FXYD6: variants seen among roughly 807,000 people sequenced by gnomAD.
FXYD6 encodes the protein FXYD domain containing ion transport regulator 6.
Under a neutral mutation model 16.7 loss-of-function variants are expected in FXYD6, and 7 were observed. The observed-to-expected ratio is 0.42, with a 90% confidence interval of 0.24 to 0.79. FXYD6 has a LOEUF of 0.79. FXYD6 is among the 30% of genes least tolerant of loss of function. The pLI, the probability that FXYD6 is intolerant of heterozygous loss-of-function variation, is 0.28. For synonymous variants in FXYD6, 49 were observed against 43.0 expected (o/e 1.14, Z -0.54); for missense variants, 111 against 116.2 (o/e 0.95, Z 0.21).
chr11:117,858,687 CTTTCTT>C (rs2056811520), intron 1 of FXYD6, among the ~76,000 whole-genome samples: 1 of 90,350 alleles, frequency 1.1e-5, no homozygotes, highest in African/African-American at 4.7e-5. Flanking sequence ...TTCTTTCTTT[CTTTCTT>C]TCTTTCTTTC....
rs113953930 is a variant in FXYD6 at position 117,841,607 on chromosome 11, T to C, written c.172+184A>G. On this transcript the variant is annotated intron_variant, in intron 4 of 7. Coordinates refer to ENST00000526014, the MANE Select transcript of FXYD6 (RefSeq NM_022003.4). ...TCATATGACATTTTCTTTGTTCCCG[T>C]GTCACTGTTTTACTGAGCACTTACT... The C allele has an allele frequency of 1.0e-3, 647 of 645,806 alleles. 11 individuals are homozygous for C. The African/African-American group carries it at 0.011, about 11-fold the overall frequency. 40.0% of individuals were successfully genotyped at this position (645,806 alleles called of 1,614,324 possible).
chr11:117,866,690 T>A (rs1485948048), intron 1 of FXYD6, among the ~76,000 whole-genome samples: 1 of 152,182 alleles, frequency 6.6e-6, no homozygotes, highest in Non-Finnish European at 1.5e-5. Context: ...TCAGCCTCTG[T>A]CCATCTCACA....
chr11:117,865,929 A>AC (rs1650121661), intron 1 of FXYD6, among the ~76,000 whole-genome samples: 1 of 151,150 alleles, frequency 6.6e-6, no homozygotes, highest in Admixed American at 6.6e-5. Context: ...CTCAAAAAAA[A>AC]CAAAAAAGAG....
At chr11:117,849,954 C>G (rs1163322143) in intron 1 of FXYD6, among the ~76,000 whole-genome samples, 1 of 152,138 alleles carries the variant, frequency 6.6e-6, no homozygotes, top group Non-Finnish European at 1.5e-5. Flanking sequence ...CGAAGGGTAG[C>G]CTTTGACATC....
intron 1 of FXYD6, among the ~76,000 whole-genome samples, chr11:117,862,004 C>G (rs151152607): frequency 8.3e-4 from 127 of 152,302 alleles, no homozygotes; most frequent in African/African-American, 3.0e-3. Context: ...GAGGGCACCC[C>G]CACGAGAGAC....
intron 6 of FXYD6, 109 bp from the exon 7 acceptor site, chr11:117,839,939 G>A (rs903349325): frequency 1.4e-5 from 20 of 1,417,474 alleles, no homozygotes; most frequent in East Asian, 2.3e-5. Context: ...AAGAGGTGAC[G>A]GGCATGGGAT....
rs2057170030 is a variant in FXYD6 at position 117,872,889 on chromosome 11, G to A, written c.-6+3703C>T. Among the ~76,000 whole-genome samples the A allele has an allele frequency of 6.6e-6, 1 of 152,202 alleles. No individual in the cohort carries two copies. The highest frequency in any genetic ancestry group is 1.5e-5 in the Non-Finnish European group (1 of 68,030). On this transcript the variant is annotated intron_variant, in intron 1 of 7. Transcript: ENST00000526014. The surrounding 1 kb of genome is among the most constrained non-coding windows in gnomAD (Gnocchi z 4.9). ...CTGCCTCTCATCAGGGACGGTGTCA[G>A]AGCACTGTGTTCCCGACCGGCCCCT...
In FXYD6 at chr11:117,854,462, G is replaced by T. The variant is rs12791879; in HGVS notation, c.-5-11681C>A. 2.4e-3 allele frequency among the ~76,000 whole-genome samples: 369 copies of T among 152,256 alleles called. 3 individuals carry two copies. The highest frequency in any genetic ancestry group is 4.4e-3 in the Non-Finnish European group (301 of 68,024). On this transcript the variant is annotated intron_variant, in intron 1 of 7. Transcript: ENST00000526014. The stretch of plus-strand genomic sequence containing the variant: ...AACAATCACCTCCATTGATGCTCAG[G>T]TTCAAATCCATTACACAAGCCAACA...
At chr11:117,841,076 G>C (rs2056328994) in intron 5 of FXYD6, 72 bp downstream of exon 5, 1 of 1,587,672 alleles carries the variant, frequency 6.3e-7, no homozygotes, top group Non-Finnish European at 8.6e-7. Context: ...CCATTTGGGG[G>C]TCACACACCA....
At chr11:117,860,172 G>A (rs926523051) in intron 1 of FXYD6, among the ~76,000 whole-genome samples, 1 of 152,124 alleles carries the variant, frequency 6.6e-6, no homozygotes, top group Non-Finnish European at 1.5e-5. Context: ...GCTATGAGTA[G>A]GTTTCCTTCG....
chr11:117,838,706 G>A (rs1029821920), intron 7 of FXYD6: 6 of 207,344 alleles, frequency 2.9e-5, no homozygotes, highest in Non-Finnish European at 5.0e-5. Context: ...CGGAATCTTC[G>A]TCCATTCGCA....
intron 1 of FXYD6, among the ~76,000 whole-genome samples, chr11:117,876,069 C>T (rs1283524413): frequency 6.6e-6 from 1 of 152,132 alleles, no homozygotes; most frequent in Non-Finnish European, 1.5e-5. Context: ...CCTTCTTTCC[C>T]TGCGCCCCCA....
At chr11:117,854,506 C>G (rs1428218637) in intron 1 of FXYD6, among the ~76,000 whole-genome samples, 3 of 152,202 alleles carry the variant, frequency 2.0e-5, no homozygotes, top group Non-Finnish European at 4.4e-5. Context: ...CTAGAAAGGG[C>G]CATACTATTC....
chr11:117,858,701 T>TTCTC lies in FXYD6; in HGVS notation c.-5-15924_-5-15921dup, dbSNP rs201736623. On this transcript the variant is annotated intron_variant, in intron 1 of 7. Transcript: ENST00000526014. ...TTTCTTTCTTTCTTTCTTTCTTTCT[T>TTCTC]TCTCTCTCTCTCTCCTTCCTTCCCT... Among the ~76,000 whole-genome samples the TTCTC allele has an allele frequency of 1.6e-3, 91 of 58,328 alleles. 3 individuals carry two copies. The highest frequency in any genetic ancestry group is 8.3e-3 in the Middle Eastern group (1 of 120). The allele number at this position is 58,328 out of a possible 152,430, so 38.3% of individuals were successfully genotyped here.
intron 1 of FXYD6, among the ~76,000 whole-genome samples, chr11:117,862,615 C>T (rs1393462689): frequency 1.3e-5 from 2 of 152,196 alleles, no homozygotes; most frequent in Non-Finnish European, 2.9e-5. Context: ...GGTCACCATG[C>T]CCAATCTTCT....
At chr11:117,843,005 C>T (rs1345672390) in intron 1 of FXYD6, among the ~76,000 whole-genome samples, 3 of 152,042 alleles carry the variant, frequency 2.0e-5, no homozygotes, top group Non-Finnish European at 4.4e-5. Context: ...ATGATCTCGG[C>T]TCACTGCAAC....
At chr11:117,864,274 C>T (rs924185336) in intron 1 of FXYD6, among the ~76,000 whole-genome samples, 1 of 152,164 alleles carries the variant, frequency 6.6e-6, no homozygotes, top group African/African-American at 2.4e-5. Flanking sequence ...GGATAAAGTC[C>T]AGAAATAACC....
chr11:117,868,346 A>T lies in FXYD6; in HGVS notation c.-6+8246T>A, dbSNP rs531728652. ...ACGTCAACAGCAATGAATCATCCTG[A>T]TTGTATCGTCTTGGTGTGATGTGAT... On this transcript the variant is annotated intron_variant, in intron 1 of 7. Coordinates refer to ENST00000526014, the MANE Select transcript of FXYD6 (RefSeq NM_022003.4). 1.1e-4 allele frequency among the ~76,000 whole-genome samples: 17 copies of T among 152,258 alleles called. 1 individual carries two copies. The South Asian group carries it at 3.1e-3, about 28-fold the overall frequency.
At chr11:117,845,749 T>C (rs1427226788) in intron 1 of FXYD6, among the ~76,000 whole-genome samples, 1 of 152,212 alleles carries the variant, frequency 6.6e-6, no homozygotes, top group Non-Finnish European at 1.5e-5. Flanking sequence ...GATTCTTTGA[T>C]CACCACTCCC....
Sources: allele counts gnomAD v4.1 joint callset (sites outside exome capture counted in the v4.1 genomes callset), GRCh38; gene constraint gnomAD v4.1.1; non-coding constraint Gnocchi (gnomAD v3.1); transcripts MANE v1.5; gene names NCBI Gene and HGNC (gene_info 2026-07-23, HGNC 2026-07-21).